MYOCD: variants seen among roughly 807,000 people sequenced by gnomAD.
The protein encoded by MYOCD is myocardin.
A neutral mutation model predicts 96.1 loss-of-function variants in MYOCD; 32 were observed. The ratio of observed to expected loss-of-function variants is 0.33; its 90% CI spans 0.25 to 0.45. The LOEUF is 0.45. Ranked by LOEUF, MYOCD falls within the 20% of genes least tolerant of loss-of-function variation. The pLI is 1.00. For synonymous variants in MYOCD, 469 were observed against 469.0 expected (o/e 1.00, Z 0.00); for missense variants, 1,133 against 1,200.6 (o/e 0.94, Z 0.83).
At chr17:12,682,655 A>G (rs1014448995) in intron 1 of MYOCD, among the ~76,000 whole-genome samples, 4 of 152,194 alleles carry the variant, frequency 2.6e-5, no homozygotes, top group Non-Finnish European at 4.4e-5. Flanking sequence ...GAGAGGATGC[A>G]TCATAAATAG....
chr17:12,678,183 G>C (rs908528475), intron 1 of MYOCD, among the ~76,000 whole-genome samples: 1 of 151,968 alleles, frequency 6.6e-6, no homozygotes, highest in South Asian at 2.1e-4. Context: ...GAGCCACCGC[G>C]CCCAGCCTAT....
intron 1 of MYOCD, among the ~76,000 whole-genome samples, chr17:12,686,933 T>C (rs1320612804): frequency 2.0e-5 from 3 of 152,172 alleles, no homozygotes. Context: ...GAAAGAGCCA[T>C]GTTGGTGTAA....
chr17:12,715,054 C>T (rs2031596202), intron 2 of MYOCD, among the ~76,000 whole-genome samples: 1 of 152,084 alleles, frequency 6.6e-6, no homozygotes, highest in Admixed American at 6.5e-5. Flanking sequence ...CACACTTTAT[C>T]CAGAGTACCG....
intron 9 of MYOCD, among the ~76,000 whole-genome samples, chr17:12,750,651 T>A (rs2032825670): frequency 6.6e-6 from 1 of 152,122 alleles, no homozygotes; most frequent in African/African-American, 2.4e-5. Flanking sequence ...ATTATGCCGC[T>A]GCACTCCAGC....
intron 8 of MYOCD, 24 bp downstream of exon 8, chr17:12,744,460 G>T: frequency 6.3e-7 from 1 of 1,583,436 alleles, no homozygotes; most frequent in East Asian, 2.3e-5. Context: ...GGCTGGGAGG[G>T]TGGCTGTGGG....
intron 1 of MYOCD, among the ~76,000 whole-genome samples, chr17:12,666,918 C>T (rs529648183): frequency 2.0e-5 from 3 of 152,318 alleles, no homozygotes; most frequent in South Asian, 4.1e-4. Flanking sequence ...GAGCTCTAAC[C>T]GCTTCTCCAG....
intron 1 of MYOCD, among the ~76,000 whole-genome samples, chr17:12,698,957 T>C (rs1597752198): frequency 6.6e-6 from 1 of 151,964 alleles, no homozygotes; most frequent in South Asian, 2.1e-4. Flanking sequence ...TTAGCCAGGA[T>C]GGTCTCGATC....
At chr17:12,692,115 C>T (rs2030479738) in intron 1 of MYOCD, among the ~76,000 whole-genome samples, 1 of 152,178 alleles carries the variant, frequency 6.6e-6, no homozygotes, top group South Asian at 2.1e-4. Flanking sequence ...GTGCCTTTTC[C>T]ATCTCACTCG....
At chr17:12,740,792 G>A (rs2032482950) in intron 7 of MYOCD, among the ~76,000 whole-genome samples, 1 of 151,868 alleles carries the variant, frequency 6.6e-6, no homozygotes, top group Non-Finnish European at 1.5e-5. Context: ...AGGCTGGAGT[G>A]CAGTGGCGTG....
chr17:12,767,024 G>C lies in MYOCD; in HGVS notation c.*3380G>C, dbSNP rs1007529276. On this transcript the variant is annotated 3_prime_UTR_variant, in exon 14 of 14. Coordinates refer to ENST00000425538, the MANE Select transcript of MYOCD (RefSeq NM_001146312.3). ...GGAAGGAAGATAGGAGATGGGTAGGGGGGTAAAGAGAAAAGGAGGGAGAAG... is the reference window on the plus strand; with the variant it reads ...GGAAGGAAGATAGGAGATGGGTAGGCGGGTAAAGAGAAAAGGAGGGAGAAG... 1 of 151,066 alleles carries C rather than the reference G, an allele frequency of 6.6e-6. No homozygotes were observed. The highest frequency in any genetic ancestry group is 2.4e-5 in the African/African-American group (1 of 41,008). 9.4% of individuals were successfully genotyped at this position (151,066 alleles called of 1,614,324 possible).
intron 12 of MYOCD, among the ~76,000 whole-genome samples, chr17:12,758,716 A>G (rs1362897812): frequency 3.3e-5 from 5 of 152,200 alleles, no homozygotes; most frequent in Non-Finnish European, 2.9e-5. Context: ...CTCTACTTTC[A>G]TTTGGATTTG....
At chr17:12,684,463 A>G (rs1221012008) in intron 1 of MYOCD, among the ~76,000 whole-genome samples, 2 of 152,218 alleles carry the variant, frequency 1.3e-5, no homozygotes, top group African/African-American at 4.8e-5. Context: ...TTTTCCTTGA[A>G]CAAGGCAATG....
At chr17:12,735,697 C>T (rs893587302) in intron 5 of MYOCD, among the ~76,000 whole-genome samples, 4 of 152,156 alleles carry the variant, frequency 2.6e-5, no homozygotes, top group African/African-American at 7.2e-5. Context: ...CTAAACATTG[C>T]GTGCTGTGCG....
intron 7 of MYOCD, 33 bp from the exon 8 acceptor site, chr17:12,744,150 A>G: frequency 1.9e-6 from 3 of 1,608,802 alleles, no homozygotes; most frequent in Non-Finnish European, 1.7e-6. Flanking sequence ...GCCATCACCT[A>G]AAGCACATGC....
chr17:12,768,688 T>C lies in MYOCD; in HGVS notation c.*5044T>C, dbSNP rs1184118029. 2.0e-5 allele frequency: 3 copies of C among 152,062 alleles called. No homozygotes were observed. The highest frequency in any genetic ancestry group is 6.5e-5 in the Admixed American group (1 of 15,272). 9.4% of individuals were successfully genotyped at this position (152,062 alleles called of 1,614,324 possible). On this transcript the variant is annotated 3_prime_UTR_variant, in exon 14 of 14. Coordinates refer to ENST00000425538, the MANE Select transcript of MYOCD (RefSeq NM_001146312.3). ...GAACGGAGGACAATGTATTGCTGGGTGCTTAAAATCCTCCCTCAGTGAAGC... is the reference window on the plus strand; with the variant it reads ...GAACGGAGGACAATGTATTGCTGGGCGCTTAAAATCCTCCCTCAGTGAAGC...
At chr17:12,759,237 A>G (rs995120361) in intron 12 of MYOCD, among the ~76,000 whole-genome samples, 1 of 152,128 alleles carries the variant, frequency 6.6e-6, no homozygotes, top group African/African-American at 2.4e-5. Flanking sequence ...TGGCTTAAAG[A>G]ATGTTTTAAA....
At chr17:12,695,136 C>A (rs1172259645) in intron 1 of MYOCD, among the ~76,000 whole-genome samples, 2 of 152,118 alleles carry the variant, frequency 1.3e-5, no homozygotes, top group East Asian at 3.9e-4. Flanking sequence ...ACTGCCATAA[C>A]CAAATGCCAT....
rs58627748 is a variant in MYOCD, at chr17:12,760,999, CTTCT to C, written c.2389+297_2389+300del. On this transcript the variant is annotated intron_variant, in intron 13 of 13. Transcript: ENST00000425538. Reference sequence around the variant, plus strand: ...TTAAGTGTTTTCTCTTGCTGCACTTCTTCTTTCTATGTTCTAATCTCAATGCCCC... The same window carrying C: ...TTAAGTGTTTTCTCTTGCTGCACTTCTTCTATGTTCTAATCTCAATGCCCC... The C allele has an allele frequency of 0.26, 79,223 of 300,256 alleles. 12,249 individuals are homozygous for C. The highest frequency in any genetic ancestry group is 0.37 in the East Asian group (6,551 of 17,588). The allele number at this position is 300,256 out of a possible 1,614,324, so 18.6% of individuals were successfully genotyped here. A position where few individuals can be genotyped will look rare whatever the true frequency, so the allele number is the denominator to read the frequency against.
intron 5 of MYOCD, among the ~76,000 whole-genome samples, chr17:12,734,130 G>A (rs1297218584): frequency 6.6e-6 from 1 of 152,018 alleles, no homozygotes; most frequent in Non-Finnish European, 1.5e-5. Flanking sequence ...TTGCAATTTG[G>A]TTAATTTCCT....
Sources: gnomAD v4.1 joint callset for allele counts (sites outside exome capture counted in the v4.1 genomes callset) on GRCh38, gnomAD v4.1.1 for gene constraint, MANE v1.5 for transcripts, NCBI Gene and HGNC (gene_info 2026-07-23, HGNC 2026-07-21) for gene names.